The following ZC2HC1A variants were observed in gnomAD, a reference collection of about 807,000 sequenced individuals.
The protein encoded by ZC2HC1A is zinc finger C2HC domain-containing protein 1A.
Under a neutral mutation model 40.7 loss-of-function variants are expected in ZC2HC1A, and 28 were observed. The observed-to-expected ratio is 0.69, with a 90% CI of 0.51 to 0.94. The LOEUF is 0.94. Among genes scored for constraint, ZC2HC1A ranks in the 40% least tolerant of loss-of-function variants. The probability of loss-of-function intolerance (pLI) is 0.00; values close to 1 mark genes in which losing one functional copy is unlikely to be tolerated. For missense variants in ZC2HC1A, 389 were observed against 386.3 expected, an observed-to-expected ratio of 1.01 and a Z score of -0.06; for synonymous variants, 129 against 129.2, an observed-to-expected ratio of 1.00 and a Z score of 0.01.
intron 8 of ZC2HC1A, among the ~76,000 whole-genome samples, chr8:78,715,609 A>G (rs538963798): frequency 5.1e-4 from 78 of 152,284 alleles, no homozygotes; most frequent in African/African-American, 1.8e-3. Flanking sequence ...AGTTGTTCCA[A>G]ACTTCATGGA....
At chr8:78,705,454 G>C (rs746176020) in intron 7 of ZC2HC1A, among the ~76,000 whole-genome samples, 1 of 152,156 alleles carries the variant, frequency 6.6e-6, no homozygotes. Context: ...CTCCTCCTGG[G>C]AGCTTCATTT....
rs2130394387 is a variant in ZC2HC1A, at chr8:78,666,098, C to T, written c.-51C>T. The T allele has an allele frequency of 6.4e-7, 1 of 1,555,272 alleles. No individual in the cohort carries two copies. The highest frequency in any genetic ancestry group is 8.7e-7 in the Non-Finnish European group (1 of 1,149,472). ...CTGGGTTGCTACAGCCAGAGCTGGG[C>T]GGTGGCGGGCGCTGCTGAAGGAGTC... is the stretch of plus-strand genomic sequence containing the variant. On this transcript the variant is annotated 5_prime_UTR_variant, in exon 1 of 9. Coordinates refer to ENST00000263849, the MANE Select transcript of ZC2HC1A (RefSeq NM_016010.3).
Position 78,717,660 on chromosome 8 carries a change from ATGTG to A in ZC2HC1A, c.*169_*172del. The A allele has an allele frequency of 3.2e-6, 2 of 625,654 alleles. No homozygotes were observed. The highest frequency in any genetic ancestry group is 5.3e-6 in the Non-Finnish European group (2 of 378,158). The allele number at this position is 625,654 out of a possible 1,614,324, so 38.8% of individuals were successfully genotyped here. Reference sequence around the variant, plus strand: ...GGCTATATAATGTGTGTATGTTTATATGTGTACATATACTGTATATAATAAATAT... The same window carrying A: ...GGCTATATAATGTGTGTATGTTTATATACATATACTGTATATAATAAATAT... On this transcript the variant is annotated 3_prime_UTR_variant, in exon 9 of 9. Transcript: ENST00000263849.
chr8:78,675,677 T>A lies in ZC2HC1A; in HGVS notation c.17-110T>A. 3 of 1,031,058 alleles carry A rather than the reference T, an allele frequency of 2.9e-6. No individual in the cohort carries two copies. In the South Asian group the frequency reaches 5.2e-5, roughly 18 times the overall value. The allele number at this position is 1,031,058 out of a possible 1,614,324, so 63.9% of individuals were successfully genotyped here. On this transcript the variant is annotated intron_variant, in intron 1 of 8. Transcript: ENST00000263849. The stretch of plus-strand genomic sequence containing the variant: ...CTTATTTCAAAATGCAGTAAAACAT[T>A]TTTCACAAAAACTGATAATTTACCT...
chr8:78,676,165 A>T (rs1319741644), intron 2 of ZC2HC1A: 4 of 202,498 alleles, frequency 2.0e-5, no homozygotes, highest in African/African-American at 9.2e-5. Flanking sequence ...AGAAATAAGT[A>T]ATTATTTACA....
chr8:78,698,630 T>G, intron 7 of ZC2HC1A, 117 bp downstream of exon 7: 1 of 787,162 alleles, frequency 1.3e-6, no homozygotes, highest in Non-Finnish European at 1.8e-6. Flanking sequence ...ATTTGTCTTT[T>G]AACATTTTGC....
intron 1 of ZC2HC1A, among the ~76,000 whole-genome samples, chr8:78,667,959 A>AT (rs60150136): frequency 0.65 from 96,220 of 148,922 alleles, 32,396 homozygotes; most frequent in East Asian, 0.9. Flanking sequence ...TTACTTTTAG[A>AT]TTTTTTTTTT....
In ZC2HC1A at chr8:78,715,276, C is replaced by T. The variant is rs750351449; in HGVS notation, c.760C>T (p.Pro254Ser). 3 of 1,613,710 alleles carry T rather than the reference C, an allele frequency of 1.9e-6. No individual in the cohort carries two copies. In the Admixed American group the frequency reaches 5.0e-5, roughly 27 times the overall value. The change falls in exon 8 of 9, where the codon CCA (proline) becomes TCA (serine). Residue 254 changes from proline to serine, a missense_variant. Coordinates refer to ENST00000263849, the MANE Select transcript of ZC2HC1A (RefSeq NM_016010.3). ...TPPSLARNPA[P>S]GVLTNKRKTY... Reference sequence around the variant, plus strand: ...ACCTAGTTTGGCAAGAAATCCTGCCCCAGGTGTGCTTACAAACAAAAGAAA... The same window carrying T: ...ACCTAGTTTGGCAAGAAATCCTGCCTCAGGTGTGCTTACAAACAAAAGAAA...
intron 7 of ZC2HC1A, among the ~76,000 whole-genome samples, chr8:78,705,915 T>G (rs1324219422): frequency 6.6e-6 from 1 of 152,126 alleles, no homozygotes; most frequent in Non-Finnish European, 1.5e-5. Context: ...CCCAGTTGGC[T>G]TTGGCTCTCT....
intron 4 of ZC2HC1A, among the ~76,000 whole-genome samples, chr8:78,687,784 ACGTAATACAT>A (rs1810060253): frequency 7.5e-6 from 1 of 132,600 alleles, no homozygotes; most frequent in Non-Finnish European, 1.6e-5. Flanking sequence ...ATATATATTT[ACGTAATACAT>A]TATATATATT....
At chr8:78,698,213 T>C (rs959620943) in intron 6 of ZC2HC1A, among the ~76,000 whole-genome samples, 3 of 152,174 alleles carry the variant, frequency 2.0e-5, no homozygotes, top group Non-Finnish European at 2.9e-5. Context: ...TATATATCAA[T>C]TATAAGAGGG....
intron 5 of ZC2HC1A, among the ~76,000 whole-genome samples, chr8:78,694,344 C>T (rs962231471): frequency 2.6e-5 from 4 of 150,958 alleles, no homozygotes; most frequent in Non-Finnish European, 5.9e-5. Flanking sequence ...TTATTATTGA[C>T]CTTTGCTGCT....
chr8:78,695,736 T>C (rs77793352), intron 5 of ZC2HC1A, among the ~76,000 whole-genome samples: 2,841 of 152,260 alleles, frequency 0.019, 39 homozygotes, highest in Middle Eastern at 0.037. Flanking sequence ...CATTATATGG[T>C]TCATCTCCCA....
chr8:78,686,357 C>T (rs1451199140), intron 3 of ZC2HC1A, 110 bp from the exon 4 acceptor site: 3 of 943,198 alleles, frequency 3.2e-6, no homozygotes, highest in Non-Finnish European at 4.2e-6. Flanking sequence ...TTTAAGGACT[C>T]CTGATAAGAG....
intron 7 of ZC2HC1A, chr8:78,711,867 C>G: frequency 2.2e-6 from 1 of 463,560 alleles, no homozygotes; most frequent in Non-Finnish European, 3.7e-6. Flanking sequence ...CCTTGACAGT[C>G]AGATAAAATT....
intron 4 of ZC2HC1A, among the ~76,000 whole-genome samples, chr8:78,688,018 G>A (rs1313005017): frequency 6.8e-6 from 1 of 148,072 alleles, no homozygotes; most frequent in East Asian, 1.9e-4. Context: ...GCATGGCTGT[G>A]TTTCCGTAAA....
intron 7 of ZC2HC1A, among the ~76,000 whole-genome samples, chr8:78,701,993 G>A (rs1810620356): frequency 6.6e-6 from 1 of 152,090 alleles, no homozygotes; most frequent in Non-Finnish European, 1.5e-5. Context: ...CTTATAGAAT[G>A]AACTAGAGTT....
chr8:78,694,437 A>G (rs1478804022), intron 5 of ZC2HC1A, among the ~76,000 whole-genome samples: 1 of 152,120 alleles, frequency 6.6e-6, no homozygotes, highest in Non-Finnish European at 1.5e-5. Flanking sequence ...CCTTTTAGGT[A>G]TCTATGAGTC....
chr8:78,712,129 G>A (rs1336876379), intron 7 of ZC2HC1A: 7 of 1,245,398 alleles, frequency 5.6e-6, no homozygotes, highest in Non-Finnish European at 7.3e-6. Flanking sequence ...AACTCAGTTT[G>A]GTTAATATTT....
Sources: gnomAD v4.1 joint callset for allele counts (sites outside exome capture counted in the v4.1 genomes callset) on GRCh38, gnomAD v4.1.1 for gene constraint, MANE v1.5 for transcripts, NCBI Gene and HGNC (gene_info 2026-07-23, HGNC 2026-07-21) for gene names.